RNF185: variants seen among roughly 807,000 people sequenced by gnomAD.
RNF185 encodes the protein E3 ubiquitin-protein ligase RNF185.
A neutral mutation model predicts 24.9 loss-of-function variants in RNF185; 13 were observed. The ratio of observed to expected loss-of-function variants is 0.52; its 90% CI spans 0.34 to 0.83. The LOEUF (loss-of-function observed/expected upper bound fraction) is 0.83. Among genes scored for constraint, RNF185 ranks in the 40% least tolerant of loss-of-function variants. The pLI, the probability that RNF185 is intolerant of heterozygous loss-of-function variation, is 0.01. For missense variants in RNF185, 184 were observed against 244.7 expected (o/e 0.75, Z 1.65); for synonymous variants, 79 against 90.3 (o/e 0.88, Z 0.71).
At chr22:31,166,064 T>C (rs1923901411) in intron 1 of RNF185, among the ~76,000 whole-genome samples, 1 of 152,184 alleles carries the variant, frequency 6.6e-6, no homozygotes, top group Non-Finnish European at 1.5e-5. Context: ...CAGTGTTGAC[T>C]CACTGCAGCC....
intron 1 of RNF185, among the ~76,000 whole-genome samples, chr22:31,175,313 A>G (rs1279211307): frequency 2.0e-5 from 3 of 149,524 alleles, no homozygotes; most frequent in African/African-American, 7.4e-5. Flanking sequence ...AACTAGCTGG[A>G]TGTGGTGGCG....
At chr22:31,175,940 G>A (rs1028617229) in intron 1 of RNF185, among the ~76,000 whole-genome samples, 2 of 151,990 alleles carry the variant, frequency 1.3e-5, no homozygotes, top group African/African-American at 4.8e-5. Flanking sequence ...CTTTTATTTT[G>A]TAATTTGAGA....
At chr22:31,167,580 C>G (rs1437580566) in intron 1 of RNF185, among the ~76,000 whole-genome samples, 1 of 149,576 alleles carries the variant, frequency 6.7e-6, no homozygotes, top group Non-Finnish European at 1.5e-5. Flanking sequence ...CAATGTATGA[C>G]CTTTTATGGA....
intron 1 of RNF185, among the ~76,000 whole-genome samples, chr22:31,161,755 A>G (rs1923588922): frequency 6.6e-6 from 1 of 152,114 alleles, no homozygotes; most frequent in Admixed American, 6.6e-5. Flanking sequence ...TCCTCTCTTC[A>G]GCAATATGTG....
chr22:31,197,732 T>G (rs2147960854), intron 5 of RNF185, among the ~76,000 whole-genome samples: 1 of 152,190 alleles, frequency 6.6e-6, no homozygotes, highest in East Asian at 1.9e-4. Context: ...AGTTTTTTTT[T>G]GTCTTTCTTT....
chr22:31,167,250 C>G (rs1355930509), intron 1 of RNF185, among the ~76,000 whole-genome samples: 4 of 152,088 alleles, frequency 2.6e-5, no homozygotes, highest in Non-Finnish European at 4.4e-5. Context: ...TCACTGCAGC[C>G]TCAACCTCTG....
chr22:31,161,414 A>G (rs934945783), intron 1 of RNF185, among the ~76,000 whole-genome samples: 18 of 152,182 alleles, frequency 1.2e-4, no homozygotes, highest in African/African-American at 4.3e-4. Flanking sequence ...TTTAGCCTAC[A>G]TCTCCTGTAA....
chr22:31,201,241 A>G (rs1568973999), intron 5 of RNF185, among the ~76,000 whole-genome samples: 1 of 152,250 alleles, frequency 6.6e-6, no homozygotes, highest in Admixed American at 6.5e-5. Flanking sequence ...ACACTGGGTC[A>G]GAGCCAGTCC....
intron 6 of RNF185, among the ~76,000 whole-genome samples, chr22:31,204,272 A>G (rs1601383855): frequency 1.4e-5 from 2 of 147,588 alleles, no homozygotes; most frequent in South Asian, 2.2e-4. Context: ...GAACCTGGGA[A>G]GCGGAGGTTG....
chr22:31,193,804 A>C (rs141834937), intron 3 of RNF185, among the ~76,000 whole-genome samples: 1 of 97,832 alleles, frequency 1.0e-5, no homozygotes, highest in Non-Finnish European at 2.1e-5. Context: ...GAGAAAAAAA[A>C]CCAAAAAACC....
intron 1 of RNF185, among the ~76,000 whole-genome samples, chr22:31,168,248 G>C (rs890997094): frequency 4.6e-5 from 7 of 152,072 alleles, no homozygotes; most frequent in African/African-American, 1.4e-4. Flanking sequence ...TCAGACTCTT[G>C]GGTTTAAGTG....
intron 1 of RNF185, among the ~76,000 whole-genome samples, chr22:31,173,622 C>T (rs2047953740): frequency 6.6e-6 from 1 of 152,086 alleles, no homozygotes. Flanking sequence ...GGGCAAGTGA[C>T]CTAACTACTC....
intron 1 of RNF185, among the ~76,000 whole-genome samples, chr22:31,174,362 T>G (rs2047960243): frequency 7.2e-6 from 1 of 138,694 alleles, no homozygotes; most frequent in Non-Finnish European, 1.5e-5. Flanking sequence ...CAAATCCCAT[T>G]TCACTCTTTA....
intron 1 of RNF185, among the ~76,000 whole-genome samples, chr22:31,173,464 C>T (rs2047951856): frequency 7.2e-6 from 1 of 139,096 alleles, no homozygotes; most frequent in Non-Finnish European, 1.6e-5. Context: ...TCAGGTGCTC[C>T]TGAGGCACCT....
At chr22:31,163,010 C>T (rs1414102094) in intron 1 of RNF185, among the ~76,000 whole-genome samples, 4 of 151,898 alleles carry the variant, frequency 2.6e-5, no homozygotes, top group South Asian at 2.1e-4. Context: ...GTGATCTGCC[C>T]GCCTCAGCCT....
At chr22:31,164,016 T>C (rs191976426) in intron 1 of RNF185, among the ~76,000 whole-genome samples, 1 of 149,810 alleles carries the variant, frequency 6.7e-6, no homozygotes, top group East Asian at 2.0e-4. Flanking sequence ...AGTTTCACTC[T>C]TGTTGCCCAG....
chr22:31,183,858 C>A (rs985175525), intron 1 of RNF185, among the ~76,000 whole-genome samples: 6 of 152,172 alleles, frequency 3.9e-5, no homozygotes, highest in African/African-American at 1.4e-4. Context: ...TCGACAAAAC[C>A]GCTATTGTCA....
At chr22:31,189,219 A>C (rs909497111) in intron 2 of RNF185, among the ~76,000 whole-genome samples, 4 of 144,498 alleles carry the variant, frequency 2.8e-5, no homozygotes, top group African/African-American at 1.0e-4. Context: ...TAAGATTATA[A>C]ATTATGTATT....
At chr22:31,180,284 G>A (rs778772145) in intron 1 of RNF185, among the ~76,000 whole-genome samples, 25 of 152,014 alleles carry the variant, frequency 1.6e-4, no homozygotes, top group Admixed American at 4.6e-4. Context: ...CCAACATGGC[G>A]AAACCCTGTC....
Sources: allele counts gnomAD v4.1 joint callset (sites outside exome capture counted in the v4.1 genomes callset), GRCh38; gene constraint gnomAD v4.1.1; transcripts MANE v1.5; gene names NCBI Gene and HGNC (gene_info 2026-07-23, HGNC 2026-07-21).